The following STS variants were observed in gnomAD, a reference collection of about 807,000 sequenced individuals.
The protein encoded by STS is steryl-sulfatase.
A neutral mutation model predicts 26.8 loss-of-function variants in STS; 7 were observed. The ratio of observed to expected loss-of-function variants is 0.26; its 90% CI spans 0.15 to 0.49. STS has a LOEUF of 0.49. Ranked by LOEUF, STS falls within the 20% of genes least tolerant of loss-of-function variation. The pLI is 0.98. For synonymous variants in STS, 199 were observed against 189.4 expected, an observed-to-expected ratio of 1.05 and a Z score of -0.42; for missense variants, 434 against 465.6, an observed-to-expected ratio of 0.93 and a Z score of 0.63.
At chrX:7,263,883 T>C (rs946030386) in intron 6 of STS, among the ~76,000 whole-genome samples, 1 of 111,669 alleles carries the variant, frequency 9.0e-6, no homozygotes, top group Non-Finnish European at 1.9e-5. Flanking sequence ...AGATAAATTA[T>C]TGAAATTGAT....
At chrX:7,227,127 A>G (rs970056310) in intron 2 of STS, among the ~76,000 whole-genome samples, 5 of 111,512 alleles carry the variant, frequency 4.5e-5, no homozygotes, top group Non-Finnish European at 7.5e-5. Flanking sequence ...TGTTTTACCC[A>G]TTTCATTGTT....
intron 6 of STS, among the ~76,000 whole-genome samples, chrX:7,270,186 C>T (rs58049794): frequency 0.042 from 4,679 of 111,935 alleles, 229 homozygotes; most frequent in African/African-American, 0.14. Context: ...AATAAATTTT[C>T]AGAAGAGTTG....
chrX:7,299,247 A>T (rs1925839378), intron 7 of STS, among the ~76,000 whole-genome samples: 1 of 96,978 alleles, frequency 1.0e-5, no homozygotes, highest in Non-Finnish European at 2.0e-5. Flanking sequence ...TAATTATAAA[A>T]TTTATAATTA....
Position 7,350,364 on chromosome X carries a change from G to T in STS, c.*103G>T. The stretch of plus-strand genomic sequence containing the variant: ...GGAAACATAACTCCATCTACACCTT[G>T]GATTTGGACTGATTCTCCATTTTAT... On this transcript the variant is annotated 3_prime_UTR_variant, in exon 11 of 11. Transcript: ENST00000674429. 2 of 1,057,096 alleles carry T rather than the reference G, an allele frequency of 1.9e-6. No individual in the cohort carries two copies. The highest frequency in any genetic ancestry group is 4.2e-5 in the South Asian group (2 of 48,129). The allele number at this position is 1,057,096 out of a possible 1,213,427, so 87.1% of individuals were successfully genotyped here.
chrX:7,322,081 C>T (rs369053573), intron 8 of STS, among the ~76,000 whole-genome samples: 1 of 112,639 alleles, frequency 8.9e-6, no homozygotes, highest in African/African-American at 3.2e-5. Flanking sequence ...AATTTATTCA[C>T]GTGCGTGGAG....
chrX:7,320,152 ATTT>A (rs1240423281), intron 8 of STS, among the ~76,000 whole-genome samples: 1 of 97,516 alleles, frequency 1.0e-5, no homozygotes, highest in African/African-American at 3.7e-5. Context: ...ATATTTATAT[ATTT>A]TTTATTATAT....
chrX:7,178,305 C>T (rs1439670474), intron 1 of STS, among the ~76,000 whole-genome samples: 6 of 112,288 alleles, frequency 5.3e-5, no homozygotes, highest in African/African-American at 1.9e-4. Flanking sequence ...AGCTTCAGTG[C>T]TGAGATGCGC....
At chrX:7,204,379 G>C (rs1187747368) in intron 2 of STS, among the ~76,000 whole-genome samples, 2 of 110,924 alleles carry the variant, frequency 1.8e-5, no homozygotes, top group Non-Finnish European at 3.8e-5. Context: ...TTCCATATTT[G>C]TATTAATTTA....
chrX:7,252,669 C>G (rs1307216549), intron 2 of STS, among the ~76,000 whole-genome samples: 1 of 111,881 alleles, frequency 8.9e-6, no homozygotes, highest in African/African-American at 3.3e-5. Context: ...CACCATCCTC[C>G]CCAAAGATTC....
At chrX:7,236,582 T>G (rs1394930922) in intron 2 of STS, among the ~76,000 whole-genome samples, 2 of 112,222 alleles carry the variant, frequency 1.8e-5, no homozygotes, top group African/African-American at 6.5e-5. Flanking sequence ...ATTGCTTAAT[T>G]AATAAATGCA....
At chrX:7,283,543 G>A (rs1200966789) in intron 7 of STS, among the ~76,000 whole-genome samples, 1 of 111,640 alleles carries the variant, frequency 9.0e-6, no homozygotes, top group African/African-American at 3.3e-5. Context: ...TTTGTGCCAA[G>A]GGATGACTTA....
intron 6 of STS, among the ~76,000 whole-genome samples, chrX:7,275,439 T>C (rs1239130913): frequency 9.0e-6 from 1 of 111,705 alleles, no homozygotes; most frequent in East Asian, 2.8e-4. Flanking sequence ...TATCAAATGA[T>C]ACCTATATAT....
Position 7,350,266 on chromosome X carries a change from G to T in STS, c.*5G>T, listed in dbSNP as rs769540715. The T allele has an allele frequency of 1.7e-6, 2 of 1,203,894 alleles. No homozygotes were observed. The highest frequency in any genetic ancestry group is 1.8e-5 in the South Asian group (1 of 56,043). Reference sequence around the variant, plus strand: ...GATAAGAGACTGAGCCGCTAGCAGCGCCTGGGGACCAGACAGACGCATGTG... The same window carrying T: ...GATAAGAGACTGAGCCGCTAGCAGCTCCTGGGGACCAGACAGACGCATGTG... On this transcript the variant is annotated 3_prime_UTR_variant, in exon 11 of 11. Coordinates refer to ENST00000674429, the MANE Select transcript of STS (RefSeq NM_001320752.2).
At chrX:7,286,382 C>T (rs986536473) in intron 7 of STS, among the ~76,000 whole-genome samples, 1 of 111,087 alleles carries the variant, frequency 9.0e-6, no homozygotes, top group Admixed American at 9.7e-5. Flanking sequence ...GAAATATGAC[C>T]TCTGATCGTG....
chrX:7,241,930 C>T (rs928513924), intron 2 of STS, among the ~76,000 whole-genome samples: 1 of 111,556 alleles, frequency 9.0e-6, no homozygotes, highest in Admixed American at 9.6e-5. Flanking sequence ...CTGAAAGCCT[C>T]ATTTTTTTTT....
chrX:7,266,969 C>T (rs1450892760), intron 6 of STS, among the ~76,000 whole-genome samples: 5 of 111,970 alleles, frequency 4.5e-5, no homozygotes, highest in African/African-American at 1.6e-4. Context: ...CTCATGAGGT[C>T]GGTAAATAGA....
Position 7,251,893 on chromosome X carries a change from G to A in STS, c.-4-1303G>A, listed in dbSNP as rs1923158448. On this transcript the variant is annotated intron_variant, in intron 2 of 10. Transcript: ENST00000674429. The stretch of plus-strand genomic sequence containing the variant: ...GGAGAATCGCTTGAGCCCAGGAGTT[G>A]GAGGCTGCAGTGAGTTATAATCACA... Among the ~76,000 whole-genome samples, 3 of 110,973 alleles carry A rather than the reference G, an allele frequency of 2.7e-5. No individual in the cohort carries two copies. In the South Asian group the frequency reaches 1.2e-3, roughly 43 times the overall value.
intron 9 of STS, 108 bp from the exon 10 acceptor site, chrX:7,333,878 C>T: frequency 8.9e-7 from 1 of 1,117,926 alleles, no homozygotes; most frequent in South Asian, 1.9e-5. Flanking sequence ...GGTCAGTCTT[C>T]TTTGTATTAA....
intron 2 of STS, among the ~76,000 whole-genome samples, chrX:7,240,493 A>ATGTGTGTG (rs374194610): frequency 6.9e-5 from 5 of 72,692 alleles, no homozygotes; most frequent in African/African-American, 2.2e-4. Flanking sequence ...ACAGATATGT[A>ATGTGTGTG]TGTGTGTGTG....
Sources: allele counts gnomAD v4.1 joint callset (sites outside exome capture counted in the v4.1 genomes callset), GRCh38; gene constraint gnomAD v4.1.1; transcripts MANE v1.5; gene names NCBI Gene and HGNC (gene_info 2026-07-23, HGNC 2026-07-21).